Variants in AGPAT4 observed in about 807,000 individuals in gnomAD.
The protein encoded by AGPAT4 is 1-acyl-sn-glycerol-3-phosphate acyltransferase delta.
AGPAT4 carries 15 observed loss-of-function variants against 48.0 expected under a neutral mutation model. That is an observed-to-expected ratio of 0.31 (90% CI 0.21 to 0.48). The LOEUF (loss-of-function observed/expected upper bound fraction) is 0.48, where lower values mean the gene tolerates loss of function less well. Among genes scored for constraint, AGPAT4 ranks in the 20% least tolerant of loss-of-function variants. The probability of loss-of-function intolerance (pLI) is 0.99; values close to 1 mark genes in which losing one functional copy is unlikely to be tolerated. For synonymous variants in AGPAT4, 178 were observed against 198.7 expected (o/e 0.90, Z 0.88); for missense variants, 314 against 482.5 (o/e 0.65, Z 3.27).
rs1554236618 is a variant in AGPAT4, at chr6:161,219,920, A to AGGCAGGCAGGC, written c.178+12105_178+12115dup. On this transcript the variant is annotated intron_variant, in intron 2 of 8. Coordinates refer to ENST00000320285, the MANE Select transcript of AGPAT4 (RefSeq NM_020133.3). This position sits in a 1 kb window ranked among gnomAD's most constrained non-coding sequence, Gnocchi z 4.9. ...GCAGGCAGGCAGGCAGGCAGGCGGCAGGCAGGCAGGCAGGCAGGCAGGCAG... is the reference window on the plus strand; with the variant it reads ...GCAGGCAGGCAGGCAGGCAGGCGGCAGGCAGGCAGGCGGCAGGCAGGCAGGCAGGCAGGCAG... Among the ~76,000 whole-genome samples, 1 of 122,462 alleles carries AGGCAGGCAGGC rather than the reference A, an allele frequency of 8.2e-6. No homozygotes were observed. The highest frequency in any genetic ancestry group is 3.5e-5 in the African/African-American group (1 of 28,936). The allele number at this position is 122,462 out of a possible 152,430, so 80.3% of individuals were successfully genotyped here. A position where few individuals can be genotyped will look rare whatever the true frequency, so the allele number is the denominator to read the frequency against.
chr6:161,167,374 C>T (rs1780133212), intron 2 of AGPAT4, among the ~76,000 whole-genome samples: 1 of 152,066 alleles, frequency 6.6e-6, no homozygotes, highest in African/African-American at 2.4e-5. Flanking sequence ...TACAGGTGTG[C>T]ACCACCATGC....
At position 161,264,712 on chromosome 6, in the gene AGPAT4, C is replaced by T. The variant is rs116454320; in HGVS notation, c.-90+9226G>A. On this transcript the variant is annotated intron_variant, in intron 1 of 8. Transcript: ENST00000320285. This position sits in a 1 kb window ranked among gnomAD's most constrained non-coding sequence, Gnocchi z 6.8. ...CTGAATGCACGGGCTCCCTAAGAAA[C>T]GCTGAAAGGGGATTCTGGAGTTGGG... 2.1e-3 allele frequency among the ~76,000 whole-genome samples: 326 copies of T among 152,246 alleles called. 1 individual carries two copies. The highest frequency in any genetic ancestry group is 7.2e-3 in the African/African-American group (301 of 41,538).
Position 161,161,576 on chromosome 6 carries a change from C to A in AGPAT4, c.348+4672G>T. On this transcript the variant is annotated intron_variant, in intron 3 of 8. Transcript: ENST00000320285. This position sits in a 1 kb window ranked among gnomAD's most constrained non-coding sequence, Gnocchi z 4.6. ...TGCCAGCAGTGAGCAGGGTGCAAGA[C>A]CACCCTACAGAGCTGACAAAACCAT... 1 of 441,870 alleles carries A rather than the reference C, an allele frequency of 2.3e-6. No homozygotes were observed. The highest frequency in any genetic ancestry group is 4.6e-6 in the Non-Finnish European group (1 of 217,844). The allele number at this position is 441,870 out of a possible 1,614,324, so 27.4% of individuals were successfully genotyped here. A position where few individuals can be genotyped will look rare whatever the true frequency, so the allele number is the denominator to read the frequency against.
chr6:161,232,156 C>G lies in AGPAT4; in HGVS notation c.58G>C (p.Val20Leu). The change falls in exon 2 of 9, where the codon GTC becomes CTC. Residue 20 changes from valine (V) to leucine (L), a missense_variant. Val to Leu is a conservative substitution (Grantham distance 32). Coordinates refer to ENST00000320285, the MANE Select transcript of AGPAT4 (RefSeq NM_020133.3). The surrounding 1 kb of genome is among the most constrained non-coding windows in gnomAD (Gnocchi z 6.8). ...QFLCHLVFCY[V>L]FIASGLIINT... The stretch of plus-strand genomic sequence containing the variant: ...ATGATTAGCCCTGAGGCAATAAAGA[C>G]GTAGCAGAAGACCAGGTGGCACAGG... 1.9e-6 allele frequency: 3 copies of G among 1,614,122 alleles called. No homozygotes were observed. Among genetic ancestry groups the G allele is most frequent in the Non-Finnish European group, 2.5e-6 (3 of 1,180,034 alleles).
At chr6:161,153,704 T>C (rs1285866256) in intron 4 of AGPAT4, among the ~76,000 whole-genome samples, 2 of 116,724 alleles carry the variant, frequency 1.7e-5, no homozygotes, top group East Asian at 2.8e-4. Context: ...CCTGGTGTCA[T>C]GCCTGGCCCT....
intron 2 of AGPAT4, among the ~76,000 whole-genome samples, chr6:161,224,863 T>C (rs1419219627): frequency 6.6e-6 from 1 of 152,350 alleles, no homozygotes; most frequent in Admixed American, 6.5e-5. Context: ...GGTCCAGTTA[T>C]AGATTCTGTT....
chr6:161,273,566 C>CCCA lies in AGPAT4; in HGVS notation c.-90+369_-90+371dup, dbSNP rs1783493901. Among the ~76,000 whole-genome samples, 12 of 152,282 alleles carry CCCA rather than the reference C, an allele frequency of 7.9e-5. No homozygotes were observed. In the South Asian group the frequency reaches 2.5e-3, roughly 32 times the overall value. On this transcript the variant is annotated intron_variant, in intron 1 of 8. Coordinates refer to ENST00000320285, the MANE Select transcript of AGPAT4 (RefSeq NM_020133.3). ...AGCAATATGTAATAGGAACATTCCC[C>CCCA]CCACCACCACCCCCCGCCCAGCTTC...
Position 161,158,157 on chromosome 6 carries a change from C to G in AGPAT4, c.349-3847G>C, listed in dbSNP as rs950677882. Among the ~76,000 whole-genome samples, 2 of 152,174 alleles carry G rather than the reference C, an allele frequency of 1.3e-5. No individual in the cohort carries two copies. Among genetic ancestry groups the G allele is most frequent in the Admixed American group, 6.5e-5 (1 of 15,280 alleles). On this transcript the variant is annotated intron_variant, in intron 3 of 8. Coordinates refer to ENST00000320285, the MANE Select transcript of AGPAT4 (RefSeq NM_020133.3). This position sits in a 1 kb window ranked among gnomAD's most constrained non-coding sequence, Gnocchi z 5.3. ...ATTTATTTAAGCACAACTGAAGAGT[C>G]ACTGTGCACAGACAGTTGCCCAAGT...
rs577791205 is a variant in AGPAT4 at position 161,177,677 on chromosome 6, T to G, written c.179-11260A>C. On this transcript the variant is annotated intron_variant, in intron 2 of 8. Coordinates refer to ENST00000320285, the MANE Select transcript of AGPAT4 (RefSeq NM_020133.3). This position sits in a 1 kb window ranked among gnomAD's most constrained non-coding sequence, Gnocchi z 5.0. ...ATGTCAAAGTCATTCTCCGTCCAGC[T>G]TTCTTCCATTGCTGCGAGGAGCTGC... Among the ~76,000 whole-genome samples, 1 of 152,366 alleles carries G rather than the reference T, an allele frequency of 6.6e-6. No homozygotes were observed. Among genetic ancestry groups the G allele is most frequent in the African/African-American group, 2.4e-5 (1 of 41,600 alleles).
chr6:161,157,351 C>T (rs1779792906), intron 3 of AGPAT4, among the ~76,000 whole-genome samples: 3 of 152,198 alleles, frequency 2.0e-5, no homozygotes, highest in African/African-American at 4.8e-5. Flanking sequence ...TTGCTCTTGT[C>T]GCACAGGCTG....
intron 2 of AGPAT4, among the ~76,000 whole-genome samples, chr6:161,188,771 C>A (rs1473312338): frequency 6.6e-6 from 1 of 152,160 alleles, no homozygotes; most frequent in Non-Finnish European, 1.5e-5. Context: ...AGGAACTGAA[C>A]AGGGCACCTC....
Position 161,225,719 on chromosome 6 carries a change from A to G in AGPAT4, c.178+6317T>C, listed in dbSNP as rs1461349688. ...CAGTGTTTGCTTGTTTCAGCTGTGC[A>G]GCGTGGACACACTTCAGAAGTAAAA... On this transcript the variant is annotated intron_variant, in intron 2 of 8. Transcript: ENST00000320285. The surrounding 1 kb of genome is among the most constrained non-coding windows in gnomAD (Gnocchi z 5.0). Among the ~76,000 whole-genome samples, 1 of 152,204 alleles carries G rather than the reference A, an allele frequency of 6.6e-6. No individual in the cohort carries two copies. Among genetic ancestry groups the G allele is most frequent in the Non-Finnish European group, 1.5e-5 (1 of 68,034 alleles).
chr6:161,187,850 T>A (rs1780816112), intron 2 of AGPAT4, among the ~76,000 whole-genome samples: 1 of 152,182 alleles, frequency 6.6e-6, no homozygotes, highest in Non-Finnish European at 1.5e-5. Context: ...GGCCCAACTT[T>A]TTTTATTTTA....
rs1049394173 is a variant in AGPAT4 at position 161,147,827 on chromosome 6, T to C, written c.768-1228A>G. On this transcript the variant is annotated intron_variant, in intron 6 of 8. Transcript: ENST00000320285. This position sits in a 1 kb window ranked among gnomAD's most constrained non-coding sequence, Gnocchi z 4.8. Reference sequence around the variant, plus strand: ...TTTGCCCTTTTCAGCAACTTGACATTATCGCCCTTGATGTTTCAGTGCTTT... The same window carrying C: ...TTTGCCCTTTTCAGCAACTTGACATCATCGCCCTTGATGTTTCAGTGCTTT... 6.6e-6 allele frequency among the ~76,000 whole-genome samples: 1 copy of C among 152,236 alleles called. No individual in the cohort carries two copies. Among genetic ancestry groups the C allele is most frequent in the Non-Finnish European group, 1.5e-5 (1 of 68,040 alleles).
In AGPAT4 at chr6:161,235,474, A is replaced by C. The variant is rs1162515300; in HGVS notation, c.-89-3172T>G. On this transcript the variant is annotated intron_variant, in intron 1 of 8. Transcript: ENST00000320285. The surrounding 1 kb of genome is among the most constrained non-coding windows in gnomAD (Gnocchi z 6.2). The stretch of plus-strand genomic sequence containing the variant: ...TGTCTGGAGGACAAATGTGTGACAT[A>C]CGTCTTAAGTTCATTCCAGATAGAC... Among the ~76,000 whole-genome samples, 1 of 152,224 alleles carries C rather than the reference A, an allele frequency of 6.6e-6. No homozygotes were observed. Among genetic ancestry groups the C allele is most frequent in the Non-Finnish European group, 1.5e-5 (1 of 68,044 alleles).
rs1331895608 is a variant in AGPAT4 at position 161,136,489 on chromosome 6, A to C, written c.*51T>G. ...CCGTGTCCCACTAAGGAGGATATGC[A>C]GAGGCCACCAGTTCCCCAAGGTTCC... On this transcript the variant is annotated 3_prime_UTR_variant, in exon 9 of 9. Transcript: ENST00000320285. 2 of 1,544,428 alleles carry C rather than the reference A, an allele frequency of 1.3e-6. No homozygotes were observed. The highest frequency in any genetic ancestry group is 1.8e-6 in the Non-Finnish European group (2 of 1,118,490).
chr6:161,270,439 T>C lies in AGPAT4; in HGVS notation c.-90+3499A>G, dbSNP rs1180059907. 6.6e-6 allele frequency among the ~76,000 whole-genome samples: 1 copy of C among 152,078 alleles called. No individual in the cohort carries two copies. The highest frequency in any genetic ancestry group is 1.5e-5 in the Non-Finnish European group (1 of 68,020). The stretch of plus-strand genomic sequence containing the variant: ...TTCAAAATAGGAGTGATGAAAGGCG[T>C]TTCACCAAAGATTTAGAGGTCAAAC... On this transcript the variant is annotated intron_variant, in intron 1 of 8. Coordinates refer to ENST00000320285, the MANE Select transcript of AGPAT4 (RefSeq NM_020133.3). This position sits in a 1 kb window ranked among gnomAD's most constrained non-coding sequence, Gnocchi z 5.3.
chr6:161,256,003 G>C (rs1782933389), intron 1 of AGPAT4, among the ~76,000 whole-genome samples: 1 of 152,166 alleles, frequency 6.6e-6, no homozygotes, highest in African/African-American at 2.4e-5. Flanking sequence ...ATGCTGTTTA[G>C]ATGAAGGAAA....
At position 161,244,616 on chromosome 6, in the gene AGPAT4, G is replaced by T. The variant is rs1782600327; in HGVS notation, c.-89-12314C>A. Among the ~76,000 whole-genome samples, 1 of 152,148 alleles carries T rather than the reference G, an allele frequency of 6.6e-6. No homozygotes were observed. Among genetic ancestry groups the T allele is most frequent in the South Asian group, 2.1e-4 (1 of 4,820 alleles). On this transcript the variant is annotated intron_variant, in intron 1 of 8. Transcript: ENST00000320285. This position sits in a 1 kb window ranked among gnomAD's most constrained non-coding sequence, Gnocchi z 4.7. ...ATTTTGATGCTGTGTGAGCAGACAG[G>T]CCAGGAAACCATGAGGATAATAATA... is the stretch of plus-strand genomic sequence containing the variant.
Sources: allele counts gnomAD v4.1 joint callset (sites outside exome capture counted in the v4.1 genomes callset), GRCh38; gene constraint gnomAD v4.1.1; non-coding constraint Gnocchi (gnomAD v3.1); transcripts MANE v1.5; gene names NCBI Gene and HGNC (gene_info 2026-07-23, HGNC 2026-07-21).